The following APBA2 variants were observed in gnomAD, a reference collection of about 807,000 sequenced individuals.
APBA2 encodes amyloid beta precursor protein binding family A member 2.
APBA2 carries 30 observed loss-of-function variants against 75.0 expected under a neutral mutation model. The observed-to-expected ratio is 0.40, with a 90% CI of 0.30 to 0.54. The LOEUF (loss-of-function observed/expected upper bound fraction) is 0.54. Ranked by LOEUF, APBA2 falls within the 20% of genes least tolerant of loss-of-function variation. The pLI, the probability that APBA2 is intolerant of heterozygous loss-of-function variation, is 0.49. For synonymous variants in APBA2, 444 were observed against 409.6 expected (o/e 1.08, Z -1.01); for missense variants, 801 against 1,016.1 (o/e 0.79, Z 2.88).
intron 3 of APBA2, among the ~76,000 whole-genome samples, chr15:29,018,108 C>T (rs1436457485): frequency 6.6e-6 from 1 of 152,156 alleles, no homozygotes; most frequent in East Asian, 1.9e-4. Flanking sequence ...TCCCGGGGGA[C>T]AGTCTCAGGG....
intron 1 of APBA2, among the ~76,000 whole-genome samples, chr15:28,897,667 G>C (rs1053429201): frequency 5.3e-5 from 8 of 151,410 alleles, no homozygotes; most frequent in Non-Finnish European, 8.8e-5. Context: ...AGCAGGTGTC[G>C]GTGAGGATGT....
chr15:29,104,769 G>C (rs527387685), intron 10 of APBA2, among the ~76,000 whole-genome samples: 18 of 152,218 alleles, frequency 1.2e-4, no homozygotes, highest in African/African-American at 3.9e-4. Context: ...GTCCATTTTC[G>C]GCATCAGATG....
At chr15:28,979,026 G>C (rs2037484245) in intron 2 of APBA2, among the ~76,000 whole-genome samples, 1 of 152,192 alleles carries the variant, frequency 6.6e-6, no homozygotes, top group African/African-American at 2.4e-5. Context: ...GGGTCCCCAG[G>C]GTTGCAGCAA....
Position 29,117,090 on chromosome 15 carries a change from T to C in APBA2, c.2207T>C (p.Met736Thr), listed in dbSNP as rs377067685. ...CACATGAAGACCATGCCCGCCGCCA[T>C]GTTCAGGCTCCTCACGGGTCAGGAG... The part of the protein sequence containing the change: ...EIHMKTMPAA[M>T]FRLLTGQETP... The change falls in exon 15 of 15, where the codon ATG becomes ACG. Residue 736 changes from methionine to threonine, a missense_variant. By Grantham distance (81) the Met-to-Thr change is moderately conservative. Around this residue, in one of 2 missense-constraint regions of APBA2, gnomAD observed 367 missense variants for 544.5 expected, o/e 0.67. Transcript: ENST00000683413. The C allele has an allele frequency of 7.4e-6, 12 of 1,613,150 alleles. No individual in the cohort carries two copies. In the African/African-American group the frequency reaches 1.1e-4, roughly 14 times the overall value.
chr15:28,967,639 C>T (rs1175831237), intron 2 of APBA2, among the ~76,000 whole-genome samples: 5 of 152,084 alleles, frequency 3.3e-5, no homozygotes, highest in South Asian at 2.1e-4. Context: ...GGGGTTTCAC[C>T]GTGTTAGCCA....
At chr15:29,025,230 G>A (rs897493555) in intron 3 of APBA2, among the ~76,000 whole-genome samples, 3 of 151,394 alleles carry the variant, frequency 2.0e-5, no homozygotes, top group Admixed American at 2.0e-4. Flanking sequence ...CAAGGCTGAA[G>A]AAGAGACCCA....
At chr15:28,979,744 T>C (rs1049909424) in intron 2 of APBA2, among the ~76,000 whole-genome samples, 10 of 152,196 alleles carry the variant, frequency 6.6e-5, no homozygotes, top group Non-Finnish European at 7.3e-5. Flanking sequence ...CCTAGGGCTC[T>C]CTGACCCCGT....
At chr15:29,048,776 A>G (rs1416460624) in intron 3 of APBA2, among the ~76,000 whole-genome samples, 1 of 151,520 alleles carries the variant, frequency 6.6e-6, no homozygotes, top group Non-Finnish European at 1.5e-5. Flanking sequence ...TCTACTAAAA[A>G]AAAAATACAA....
chr15:29,057,884 T>C (rs1306821566), intron 4 of APBA2, among the ~76,000 whole-genome samples: 3 of 152,180 alleles, frequency 2.0e-5, no homozygotes, highest in Non-Finnish European at 4.4e-5. Context: ...CCATTTCCCC[T>C]CGATGACCTT....
intron 3 of APBA2, among the ~76,000 whole-genome samples, chr15:29,025,037 T>G (rs1317265411): frequency 6.6e-6 from 1 of 152,200 alleles, no homozygotes; most frequent in East Asian, 1.9e-4. Context: ...ATGTTTAGAT[T>G]CAGACTAAAA....
chr15:29,056,273 A>G (rs1241705198), intron 4 of APBA2, among the ~76,000 whole-genome samples: 1 of 152,068 alleles, frequency 6.6e-6, no homozygotes, highest in Non-Finnish European at 1.5e-5. Context: ...CTGGGAGGTA[A>G]ATGAGTGGGA....
At chr15:29,104,086 C>T (rs1339142763) in intron 10 of APBA2, among the ~76,000 whole-genome samples, 1 of 152,264 alleles carries the variant, frequency 6.6e-6, no homozygotes, top group African/African-American at 2.4e-5. Context: ...GCTTCTAATC[C>T]GGCCCAGCTT....
chr15:29,097,280 C>T (rs2043893238), intron 8 of APBA2, among the ~76,000 whole-genome samples: 1 of 152,272 alleles, frequency 6.6e-6, no homozygotes, highest in South Asian at 2.1e-4. Context: ...CAGGGGTCAG[C>T]CAGAGGGCCT....
chr15:28,897,107 C>T (rs1286813881), intron 1 of APBA2, among the ~76,000 whole-genome samples: 1 of 151,942 alleles, frequency 6.6e-6, no homozygotes, highest in East Asian at 1.9e-4. Flanking sequence ...TAGCAAATGA[C>T]TCATCTTAAA....
rs2043680042 is a variant in APBA2, at chr15:29,093,329, C to T, written c.1215+109C>T. The stretch of plus-strand genomic sequence containing the variant: ...CTCTTCCAGCTCGGACTGCACAGCC[C>T]TCAGCACAGGGGGCAGGAGCGGCCC... On this transcript the variant is annotated intron_variant, in intron 7 of 14. Coordinates refer to ENST00000683413, the MANE Select transcript of APBA2 (RefSeq NM_001353788.2). 6.8e-6 allele frequency: 10 copies of T among 1,480,062 alleles called. No homozygotes were observed. The South Asian group carries it at 1.1e-4, about 16-fold the overall frequency. The allele number at this position is 1,480,062 out of a possible 1,614,324, so 91.7% of individuals were successfully genotyped here.
At chr15:28,971,096 T>C (rs1268796536) in intron 2 of APBA2, among the ~76,000 whole-genome samples, 1 of 152,194 alleles carries the variant, frequency 6.6e-6, no homozygotes, top group African/African-American at 2.4e-5. Flanking sequence ...TTTCATTTCA[T>C]TTTATGTCAC....
intron 10 of APBA2, among the ~76,000 whole-genome samples, chr15:29,104,075 C>G (rs921486284): frequency 2.0e-5 from 3 of 152,262 alleles, no homozygotes; most frequent in African/African-American, 4.8e-5. Flanking sequence ...GCCTGCTGCG[C>G]GCTTCTAATC....
intron 3 of APBA2, among the ~76,000 whole-genome samples, chr15:29,025,263 ATTTTT>A (rs199811660): frequency 3.5e-4 from 49 of 138,102 alleles, no homozygotes; most frequent in African/African-American, 1.2e-3. Context: ...AAGAATTGGG[ATTTTT>A]TTTTTTTTTT....
intron 3 of APBA2, among the ~76,000 whole-genome samples, chr15:29,002,615 C>T (rs2038907979): frequency 6.6e-6 from 1 of 151,930 alleles, no homozygotes; most frequent in African/African-American, 2.4e-5. Context: ...TCCTGAGCCT[C>T]ACGTGTGGGG....
Sources: allele counts gnomAD v4.1 joint callset (sites outside exome capture counted in the v4.1 genomes callset), GRCh38; gene constraint gnomAD v4.1.1; regional missense constraint gnomAD v4.1.1; transcripts MANE v1.5; gene names NCBI Gene and HGNC (gene_info 2026-07-23, HGNC 2026-07-21).